Variants in TENM2 observed in about 807,000 individuals in gnomAD.
TENM2 encodes teneurin-2.
Under a neutral mutation model 245.2 loss-of-function variants are expected in TENM2, and 52 were observed. The observed-to-expected ratio is 0.21, with a 90% confidence interval of 0.17 to 0.27. The LOEUF (loss-of-function observed/expected upper bound fraction) is 0.27. TENM2 is among the 10% of genes least tolerant of loss of function. TENM2 has a pLI of 1.00. For missense variants in TENM2, 3,046 were observed against 3,666.8 expected (o/e 0.83, Z 4.37); for synonymous variants, 1,363 against 1,438.9 (o/e 0.95, Z 1.19).
intron 2 of TENM2, among the ~76,000 whole-genome samples, chr5:167,713,718 G>C (rs1759063478): frequency 6.6e-6 from 1 of 152,128 alleles, no homozygotes; most frequent in African/African-American, 2.4e-5. Flanking sequence ...GCACGTACAT[G>C]CATATGCATA....
chr5:168,090,751 T>A, exon 8 of TENM2: 1 of 1,613,790 alleles, frequency 6.2e-7, no homozygotes, highest in Non-Finnish European at 8.5e-7. Context: ...GATGGTTTCC[T>A]TCAATACTGT....
At chr5:167,993,599 A>T (rs1372658610) in intron 5 of TENM2, among the ~76,000 whole-genome samples, 1 of 152,240 alleles carries the variant, frequency 6.6e-6, no homozygotes, top group East Asian at 1.9e-4. Context: ...AGTGGTTGGC[A>T]TGTCTGAGAA....
At chr5:167,907,549 ATATATATATATATATATATATATG>A (rs1776201767) in intron 3 of TENM2, among the ~76,000 whole-genome samples, 2 of 99,280 alleles carry the variant, frequency 2.0e-5, no homozygotes, top group Non-Finnish European at 3.7e-5. Flanking sequence ...ATATATATAT[ATATATATATATATATATATATATG>A]TATGTATTAT....
chr5:168,228,130 G>A, exon 25 of TENM2: 1 of 1,570,972 alleles, frequency 6.4e-7, no homozygotes, highest in Admixed American at 1.8e-5. Context: ...GGAAGCTCCG[G>A]GTAAGTGGTT....
At chr5:167,436,178 C>T (rs1016888346) in intron 2 of TENM2, among the ~76,000 whole-genome samples, 12 of 151,836 alleles carry the variant, frequency 7.9e-5, no homozygotes, top group East Asian at 2.0e-4. Context: ...AGGGTTTCAC[C>T]GTGTTGGCCA....
At chr5:168,134,469 T>C (rs909194399) in intron 12 of TENM2, among the ~76,000 whole-genome samples, 1 of 152,158 alleles carries the variant, frequency 6.6e-6, no homozygotes, top group African/African-American at 2.4e-5. Flanking sequence ...GTGGATCGCC[T>C]GAGGTCAGGA....
At chr5:168,065,515 A>G (rs1046767589) in intron 7 of TENM2, among the ~76,000 whole-genome samples, 2 of 152,212 alleles carry the variant, frequency 1.3e-5, no homozygotes, top group Non-Finnish European at 2.9e-5. Context: ...ACCCTTTGTA[A>G]ACGAAAGCGC....
At chr5:167,923,791 G>A (rs1000569412) in intron 3 of TENM2, among the ~76,000 whole-genome samples, 2 of 152,078 alleles carry the variant, frequency 1.3e-5, no homozygotes, top group African/African-American at 4.8e-5. Flanking sequence ...TAACTCTCGG[G>A]AAGGAAGCCT....
intron 8 of TENM2, among the ~76,000 whole-genome samples, chr5:168,091,098 G>A (rs374404634): frequency 6.6e-6 from 1 of 152,092 alleles, no homozygotes. Context: ...GAACTAACGT[G>A]AATGCCCACC....
intron 2 of TENM2, among the ~76,000 whole-genome samples, chr5:167,713,981 C>A (rs535032278): frequency 1.3e-5 from 2 of 152,292 alleles, no homozygotes; most frequent in Middle Eastern, 6.8e-3. Context: ...GTCCTGTGTG[C>A]CAGCTATGGA....
At chr5:166,997,399 G>C in the TENM2 span, among the ~76,000 whole-genome samples, 1 of 152,156 alleles carries the variant, frequency 6.6e-6, no homozygotes, top group African/African-American at 2.4e-5. Context: ...TTATGGAATA[G>C]AATTTCCTTA....
chr5:167,992,911 T>G (rs1257722031), intron 4 of TENM2, 33 bp from the exon 7 acceptor site: 1 of 1,571,606 alleles, frequency 6.4e-7, no homozygotes, highest in African/African-American at 1.4e-5. Flanking sequence ...TGGCTACCCA[T>G]GACCACTCTG....
chr5:167,141,047 G>T, the TENM2 span, among the ~76,000 whole-genome samples: 1 of 152,120 alleles, frequency 6.6e-6, no homozygotes, highest in Non-Finnish European at 1.5e-5. Flanking sequence ...GCCCCTGTCA[G>T]TTTCTATGGA....
At chr5:168,056,751 TC>T (rs1789576365) in intron 6 of TENM2, among the ~76,000 whole-genome samples, 1 of 152,238 alleles carries the variant, frequency 6.6e-6, no homozygotes, top group Admixed American at 6.5e-5. Flanking sequence ...ATGGTACGTG[TC>T]CTATACAGGT....
At chr5:168,199,187 C>T (rs544944917) in intron 16 of TENM2, 73 bp downstream of exon 18, 93 of 1,468,836 alleles carry the variant, frequency 6.3e-5, no homozygotes, top group South Asian at 6.2e-4. Context: ...TGCCTCTCCC[C>T]GAGTGGACCA....
intron 2 of TENM2, among the ~76,000 whole-genome samples, chr5:167,396,773 G>T (rs1196592259): frequency 1.3e-5 from 2 of 152,160 alleles, no homozygotes; most frequent in Admixed American, 1.3e-4. Context: ...AAATGGTTAA[G>T]ACTTTTTTCA....
At chr5:167,131,448 C>T in the TENM2 span, among the ~76,000 whole-genome samples, 1 of 152,142 alleles carries the variant, frequency 6.6e-6, no homozygotes, top group South Asian at 2.1e-4. Context: ...TTTGATGGAG[C>T]CTAGGGCTTT....
the TENM2 span, among the ~76,000 whole-genome samples, chr5:167,233,656 T>C: frequency 3.3e-5 from 5 of 152,312 alleles, no homozygotes; most frequent in East Asian, 9.7e-4. Context: ...TATAATGTAT[T>C]CACTTAATAT....
At chr5:167,933,810 G>A (rs1230035170) in intron 3 of TENM2, among the ~76,000 whole-genome samples, 1 of 152,126 alleles carries the variant, frequency 6.6e-6, no homozygotes, top group Non-Finnish European at 1.5e-5. Context: ...TGTATAATGG[G>A]TATCTCCTTC....
Sources: allele counts gnomAD v4.1 joint callset (sites outside exome capture counted in the v4.1 genomes callset), GRCh38; gene constraint gnomAD v4.1.1; transcripts MANE v1.5; gene names NCBI Gene and HGNC (gene_info 2026-07-23, HGNC 2026-07-21).